CLNK: variants seen among roughly 807,000 people sequenced by gnomAD.
The protein encoded by CLNK is cytokine-dependent hematopoietic cell linker.
A neutral mutation model predicts 68.6 loss-of-function variants in CLNK; 74 were observed. The observed-to-expected ratio is 1.08, with a 90% CI of 0.89 to 1.31. The LOEUF is 1.31. Among genes scored for constraint, CLNK ranks in the 50% most tolerant of loss-of-function variants. CLNK has a pLI of 0.00. For synonymous variants in CLNK, 198 were observed against 172.2 expected (o/e 1.15, Z -1.17); for missense variants, 553 against 515.3 (o/e 1.07, Z -0.71).
At chr4:10,509,701 T>G (rs973798746) in intron 16 of CLNK, among the ~76,000 whole-genome samples, 1 of 152,228 alleles carries the variant, frequency 6.6e-6, no homozygotes, top group Admixed American at 6.5e-5. Context: ...AATTTTTGTA[T>G]TTTTAGTAGA....
chr4:10,659,032 G>A (rs111750077), intron 2 of CLNK, among the ~76,000 whole-genome samples: 202 of 152,184 alleles, frequency 1.3e-3, no homozygotes, highest in African/African-American at 4.5e-3. Context: ...GTGAAACCCC[G>A]TGTCTACAGA....
chr4:10,601,409 C>G (rs1310558875), intron 2 of CLNK, among the ~76,000 whole-genome samples: 1 of 152,178 alleles, frequency 6.6e-6, no homozygotes, highest in African/African-American at 2.4e-5. Flanking sequence ...TCTACCTAGA[C>G]AGTAAGTGGT....
intron 8 of CLNK, among the ~76,000 whole-genome samples, chr4:10,545,013 A>G (rs1165547727): frequency 1.3e-5 from 2 of 152,128 alleles, no homozygotes; most frequent in Non-Finnish European, 2.9e-5. Context: ...TCATCATACA[A>G]TCACCTCTTA....
intron 2 of CLNK, among the ~76,000 whole-genome samples, chr4:10,608,490 C>T (rs759728885): frequency 6.6e-6 from 1 of 152,210 alleles, no homozygotes; most frequent in Non-Finnish European, 1.5e-5. Flanking sequence ...TAGAATGATG[C>T]TTGCTCTCTC....
chr4:10,537,787 T>G (rs1718859138), intron 11 of CLNK, among the ~76,000 whole-genome samples: 1 of 144,990 alleles, frequency 6.9e-6, no homozygotes. Context: ...CTTCCTTCCT[T>G]CTCTTGTTTG....
At chr4:10,491,770 T>TA (rs35113405) in intron 18 of CLNK, among the ~76,000 whole-genome samples, 55,495 of 150,196 alleles carry the variant, frequency 0.37, 10,290 homozygotes, top group African/African-American at 0.42. Flanking sequence ...TATATAGTAA[T>TA]TTTTTTTTTT....
intron 2 of CLNK, among the ~76,000 whole-genome samples, chr4:10,626,667 A>G (rs1228967287): frequency 6.6e-6 from 1 of 152,248 alleles, no homozygotes; most frequent in Non-Finnish European, 1.5e-5. Flanking sequence ...TTTGGTAAAA[A>G]ATACATGCAT....
chr4:10,628,505 A>G (rs1204218644), intron 2 of CLNK, among the ~76,000 whole-genome samples: 1 of 152,148 alleles, frequency 6.6e-6, no homozygotes, highest in Non-Finnish European at 1.5e-5. Flanking sequence ...TGCTCTCCAG[A>G]CTAAGACGGC....
intron 8 of CLNK, among the ~76,000 whole-genome samples, chr4:10,557,560 C>T (rs575339494): frequency 1.3e-5 from 2 of 152,346 alleles, no homozygotes; most frequent in East Asian, 3.9e-4. Context: ...GTAGGGCCAG[C>T]CCCGCTGCTG....
At chr4:10,584,665 C>G (rs1720907917) in intron 4 of CLNK, among the ~76,000 whole-genome samples, 1 of 152,110 alleles carries the variant, frequency 6.6e-6, no homozygotes, top group Non-Finnish European at 1.5e-5. Context: ...AACTCAGGCT[C>G]AGAAAGATCT....
chr4:10,641,165 C>T (rs149033796), intron 2 of CLNK, among the ~76,000 whole-genome samples: 1 of 152,042 alleles, frequency 6.6e-6, no homozygotes, highest in African/African-American at 2.4e-5. Context: ...TCCTGAGGGA[C>T]AGTTGGAGGG....
At chr4:10,713,354 C>T in the CLNK span, among the ~76,000 whole-genome samples, 27 of 152,190 alleles carry the variant, frequency 1.8e-4, no homozygotes, top group East Asian at 7.7e-4. Context: ...GAGACATGGA[C>T]GAAATGAGTG....
intron 2 of CLNK, among the ~76,000 whole-genome samples, chr4:10,602,210 G>T (rs1577159486): frequency 6.6e-6 from 1 of 152,122 alleles, no homozygotes; most frequent in South Asian, 2.1e-4. Flanking sequence ...AATTTCCCCT[G>T]TGAAAATGTC....
chr4:10,705,069 G>C, the CLNK span, among the ~76,000 whole-genome samples: 2 of 152,194 alleles, frequency 1.3e-5, no homozygotes, highest in Non-Finnish European at 2.9e-5. Flanking sequence ...TTTGGAAGTA[G>C]GCAACAGTAA....
the CLNK span, among the ~76,000 whole-genome samples, chr4:10,733,692 C>T: frequency 6.6e-6 from 1 of 152,228 alleles, no homozygotes; most frequent in Non-Finnish European, 1.5e-5. Flanking sequence ...AGGCACCATG[C>T]TGTCCATCTT....
At chr4:10,618,806 G>T (rs150198124) in intron 2 of CLNK, among the ~76,000 whole-genome samples, 264 of 152,274 alleles carry the variant, frequency 1.7e-3, no homozygotes, top group African/African-American at 6.2e-3. Context: ...CTCAGTCACG[G>T]TTATGTTATG....
At chr4:10,667,768 G>A (rs1199681520) in intron 2 of CLNK, 91 bp downstream of exon 2, 4 of 1,259,678 alleles carry the variant, frequency 3.2e-6, no homozygotes, top group East Asian at 5.1e-5. Flanking sequence ...CGGCCACATT[G>A]GCATCATTTC....
intron 11 of CLNK, among the ~76,000 whole-genome samples, chr4:10,533,966 TA>T (rs1202832778): frequency 6.6e-6 from 1 of 152,188 alleles, no homozygotes; most frequent in Non-Finnish European, 1.5e-5. Context: ...TAGAAGTACT[TA>T]AAAATCAAAG....
At chr4:10,564,080 G>T (rs1296287566) in intron 7 of CLNK, among the ~76,000 whole-genome samples, 2 of 150,870 alleles carry the variant, frequency 1.3e-5, no homozygotes, top group African/African-American at 4.9e-5. Context: ...TGCATTTAGG[G>T]CATTTGCATT....
Sources: gnomAD v4.1 joint callset for allele counts (sites outside exome capture counted in the v4.1 genomes callset) on GRCh38, gnomAD v4.1.1 for gene constraint, MANE v1.5 for transcripts, NCBI Gene and HGNC (gene_info 2026-07-23, HGNC 2026-07-21) for gene names.